MAP3K21: variants seen among roughly 807,000 people sequenced by gnomAD.
MAP3K21 encodes the protein mitogen-activated protein kinase kinase kinase MLK4.
A neutral mutation model predicts 86.1 loss-of-function variants in MAP3K21; 63 were observed. The ratio of observed to expected loss-of-function variants is 0.73; its 90% CI spans 0.60 to 0.90. The LOEUF (loss-of-function observed/expected upper bound fraction) is 0.90. Ranked by LOEUF, MAP3K21 falls within the 40% of genes least tolerant of loss-of-function variation. The pLI is 0.00. For missense variants in MAP3K21, 1,220 were observed against 1,367.7 expected (o/e 0.89, Z 1.70); for synonymous variants, 558 against 564.8 (o/e 0.99, Z 0.17).
chr1:233,349,167 G>A (rs1193169712), intron 2 of MAP3K21, among the ~76,000 whole-genome samples: 3 of 152,148 alleles, frequency 2.0e-5, no homozygotes, highest in Non-Finnish European at 2.9e-5. Flanking sequence ...TGAAGGCTGA[G>A]CGTGTGTGTT....
At chr1:233,380,440 G>T (rs528396797) in intron 9 of MAP3K21, among the ~76,000 whole-genome samples, 13 of 152,210 alleles carry the variant, frequency 8.5e-5, no homozygotes, top group African/African-American at 3.1e-4. Context: ...AATCACCTCT[G>T]TACAGACCCT....
At chr1:233,376,353 T>C in intron 7 of MAP3K21, 77 bp from the exon 8 acceptor site, 1 of 1,026,716 alleles carries the variant, frequency 9.7e-7, no homozygotes, top group East Asian at 2.4e-5. Context: ...AAAAATATTG[T>C]TGGTCTGTAT....
chr1:233,360,905 G>T (rs1161167489), intron 4 of MAP3K21, among the ~76,000 whole-genome samples: 1 of 152,160 alleles, frequency 6.6e-6, no homozygotes, highest in Non-Finnish European at 1.5e-5. Flanking sequence ...AGCTCTCAAA[G>T]CTCAGAGCCC....
intron 2 of MAP3K21, 29 bp from the exon 3 acceptor site, chr1:233,353,778 A>G: frequency 6.5e-7 from 1 of 1,533,274 alleles, no homozygotes; most frequent in African/African-American, 1.4e-5. Context: ...TGTTTAGCCC[A>G]TTGAGCATAT....
intron 6 of MAP3K21, among the ~76,000 whole-genome samples, chr1:233,375,397 G>A (rs1356277858): frequency 1.3e-5 from 2 of 152,184 alleles, no homozygotes; most frequent in African/African-American, 2.4e-5. Context: ...AAAGGCAACC[G>A]TAACCAAAGT....
Position 233,353,924 on chromosome 1 carries a change from C to T in MAP3K21, c.1104C>T (p.Thr368=), listed in dbSNP as rs373794062. The T allele has an allele frequency of 5.0e-5, 81 of 1,608,870 alleles. No individual in the cohort carries two copies. The highest frequency in any genetic ancestry group is 6.6e-5 in the Non-Finnish European group (78 of 1,177,920). Residue 368 remains threonine (T), a synonymous_variant, in exon 3 of 10, where the codon ACC becomes ACT. Coordinates refer to ENST00000366624, the MANE Select transcript of MAP3K21 (RefSeq NM_032435.3). ...AACTCACTTTGCCCATTCCATCCACCTGCCCTGAGCCGTTTGCCAAGCTCA... is the reference window on the plus strand; with the variant it reads ...AACTCACTTTGCCCATTCCATCCACTTGCCCTGAGCCGTTTGCCAAGCTCA... The part of the protein sequence containing the change: ...VNKLTLPIPS[T]CPEPFAKLMK...
At chr1:233,355,900 A>G (rs188957100) in intron 4 of MAP3K21, among the ~76,000 whole-genome samples, 19 of 152,144 alleles carry the variant, frequency 1.2e-4, no homozygotes, top group African/African-American at 4.3e-4. Flanking sequence ...CTCCTTCTAA[A>G]ATGCAAATCT....
intron 5 of MAP3K21, among the ~76,000 whole-genome samples, chr1:233,368,615 C>T (rs1425002670): frequency 6.6e-6 from 1 of 151,806 alleles, no homozygotes; most frequent in Non-Finnish European, 1.5e-5. Flanking sequence ...GAGATTGCAC[C>T]ACTGCACTCC....
chr1:233,360,319 C>A (rs2102757778), intron 4 of MAP3K21, among the ~76,000 whole-genome samples: 1 of 151,904 alleles, frequency 6.6e-6, no homozygotes, highest in South Asian at 2.1e-4. Flanking sequence ...TAACATTTTC[C>A]CCTTTTTTTC....
intron 5 of MAP3K21, among the ~76,000 whole-genome samples, chr1:233,368,106 G>T (rs1320395281): frequency 6.6e-6 from 1 of 152,106 alleles, no homozygotes; most frequent in Non-Finnish European, 1.5e-5. Flanking sequence ...AGATCCTGTG[G>T]CTTGGTTCTT....
intron 2 of MAP3K21, among the ~76,000 whole-genome samples, chr1:233,352,288 T>G (rs376276701): frequency 3.9e-5 from 6 of 152,238 alleles, no homozygotes; most frequent in African/African-American, 1.4e-4. Flanking sequence ...AATTAGCATA[T>G]CCTTCATCTC....
chr1:233,355,701 C>A (rs1054880156), intron 4 of MAP3K21, among the ~76,000 whole-genome samples: 13 of 152,110 alleles, frequency 8.5e-5, no homozygotes, highest in African/African-American at 3.1e-4. Flanking sequence ...GTAATGGGAT[C>A]ACTGTTCTCC....
At chr1:233,376,762 A>G (rs1307219474) in intron 8 of MAP3K21, among the ~76,000 whole-genome samples, 1 of 152,250 alleles carries the variant, frequency 6.6e-6, no homozygotes, top group Admixed American at 6.5e-5. Flanking sequence ...CTTCCTTACC[A>G]GAAACATTAT....
rs1663476721 is a variant in MAP3K21, at chr1:233,362,126, G to A, written c.1385G>A (p.Arg462Gln). 6.2e-7 allele frequency: 1 copy of A among 1,614,118 alleles called. No individual in the cohort carries two copies. The highest frequency in any genetic ancestry group is 8.5e-7 in the Non-Finnish European group (1 of 1,179,986). Residue 462 changes from arginine (R) to glutamine (Q), a missense_variant, in exon 5 of 10, where the codon CGG becomes CAG. Arg to Gln is a conservative substitution (Grantham distance 43). Transcript: ENST00000366624. Reference protein sequence around the residue: ...QQKSQEELLKRREQQLAEREI... With the variant: ...QQKSQEELLKQREQQLAEREI... Reference sequence around the variant, plus strand: ...AAGTCTCAGGAGGAGCTGCTAAAGCGGCGTGAGCAGCAGCTGGCAGAGCGC... The same window carrying A: ...AAGTCTCAGGAGGAGCTGCTAAAGCAGCGTGAGCAGCAGCTGGCAGAGCGC...
intron 2 of MAP3K21, among the ~76,000 whole-genome samples, chr1:233,350,091 A>G (rs1420139244): frequency 6.6e-6 from 1 of 152,128 alleles, no homozygotes. Flanking sequence ...AGTCCCTGAT[A>G]TAAAAAGGCA....
intron 5 of MAP3K21, among the ~76,000 whole-genome samples, chr1:233,369,670 A>G (rs1281160729): frequency 6.6e-6 from 1 of 152,236 alleles, no homozygotes; most frequent in Middle Eastern, 3.2e-3. Context: ...TGCACCTGAC[A>G]TGATATGAAA....
intron 4 of MAP3K21, among the ~76,000 whole-genome samples, chr1:233,360,994 G>C (rs181054684): frequency 1.3e-5 from 2 of 152,314 alleles, no homozygotes; most frequent in African/African-American, 4.8e-5. Context: ...AGTTTATCTG[G>C]AACAGTGTAA....
intron 5 of MAP3K21, among the ~76,000 whole-genome samples, chr1:233,371,609 C>T (rs908387612): frequency 2.0e-5 from 3 of 152,186 alleles, no homozygotes; most frequent in Admixed American, 6.5e-5. Flanking sequence ...ATCTGCCCAC[C>T]TCAGCCTCCC....
intron 4 of MAP3K21, among the ~76,000 whole-genome samples, chr1:233,355,308 T>G (rs1345144526): frequency 2.6e-5 from 4 of 152,252 alleles, no homozygotes; most frequent in African/African-American, 9.6e-5. Context: ...TGTCATTATT[T>G]TATCATTTTA....
Sources: gnomAD v4.1 joint callset for allele counts (sites outside exome capture counted in the v4.1 genomes callset) on GRCh38, gnomAD v4.1.1 for gene constraint, MANE v1.5 for transcripts, NCBI Gene and HGNC (gene_info 2026-07-23, HGNC 2026-07-21) for gene names.